Variants in ANAPC4 observed in about 807,000 individuals in gnomAD.
The protein encoded by ANAPC4 is anaphase-promoting complex subunit 4.
Under a neutral mutation model 119.8 loss-of-function variants are expected in ANAPC4, and 63 were observed. The observed-to-expected ratio is 0.53, with a 90% CI of 0.43 to 0.65. The LOEUF (loss-of-function observed/expected upper bound fraction) is 0.65, where lower values mean the gene tolerates loss of function less well. ANAPC4 is among the 30% of genes least tolerant of loss of function. The probability of loss-of-function intolerance (pLI) is 0.00; values close to 1 mark genes in which losing one functional copy is unlikely to be tolerated. For synonymous variants in ANAPC4, 283 were observed against 318.6 expected (o/e 0.89, Z 1.19); for missense variants, 716 against 945.1 (o/e 0.76, Z 3.18).
chr4:25,382,126 C>G (rs79738421), intron 3 of ANAPC4, among the ~76,000 whole-genome samples: 100,976 of 151,520 alleles, frequency 0.67, 33,881 homozygotes, highest in Admixed American at 0.7. Context: ...TTTTTTTCCC[C>G]CCCCTCACTT....
intron 21 of ANAPC4, among the ~76,000 whole-genome samples, chr4:25,411,436 A>G (rs1490508690): frequency 3.9e-5 from 6 of 152,254 alleles, no homozygotes; most frequent in Admixed American, 3.9e-4. Flanking sequence ...ATTGAGTTCC[A>G]TAATGAATTC....
rs542616693 is a variant in ANAPC4 at position 25,406,847 on chromosome 4, A to G, written c.1336A>G (p.Thr446Ala). 1.6e-5 allele frequency: 26 copies of G among 1,604,416 alleles called. No homozygotes were observed. The South Asian group carries it at 2.8e-4, about 17-fold the overall frequency. Residue 446 changes from threonine to alanine, a missense_variant, in exon 19 of 29, where the codon ACA becomes GCA. Around this residue, in one of 3 missense-constraint regions of ANAPC4, gnomAD observed 504 missense variants for 615.8 expected, o/e 0.82. Transcript: ENST00000315368. ...TTGATAGATGACTCAGAAAGATATC[A>G]CATTTGTTGCTGAATTTCTTACTGA... Reference protein sequence around the residue: ...ELNKMTQKDITFVAEFLTEHF... With the variant: ...ELNKMTQKDIAFVAEFLTEHF...
intron 16 of ANAPC4, 22 bp from the exon 17 acceptor site, chr4:25,402,949 T>C (rs780589421): frequency 7.0e-7 from 1 of 1,438,802 alleles, no homozygotes; most frequent in Non-Finnish European, 9.6e-7. Flanking sequence ...TTATTTCTGA[T>C]TTTTTGTTTT....
chr4:25,402,511 G>A (rs564733960), intron 16 of ANAPC4, among the ~76,000 whole-genome samples: 1 of 152,222 alleles, frequency 6.6e-6, no homozygotes, highest in South Asian at 2.1e-4. Flanking sequence ...AAAAATAATG[G>A]TCCATTGATA....
chr4:25,407,289 T>C lies in ANAPC4; in HGVS notation c.1431+36T>C, dbSNP rs1723306813. On this transcript the variant is annotated intron_variant, in intron 20 of 28. Coordinates refer to ENST00000315368, the MANE Select transcript of ANAPC4 (RefSeq NM_013367.3). Reference sequence around the variant, plus strand: ...TGAACTCATTTTAAAACCTTAGCAGTGTTCATCTTTGTTATCCAAAGTCTC... The same window carrying C: ...TGAACTCATTTTAAAACCTTAGCAGCGTTCATCTTTGTTATCCAAAGTCTC... 2.0e-6 allele frequency: 3 copies of C among 1,480,696 alleles called. No homozygotes were observed. In the Admixed American group the frequency reaches 6.7e-5, roughly 33 times the overall value. 91.7% of individuals were successfully genotyped at this position (1,480,696 alleles called of 1,614,324 possible).
Position 25,414,359 on chromosome 4 carries a change from T to C in ANAPC4, c.1659T>C (p.Cys553=). 8 of 1,601,544 alleles carry C rather than the reference T, an allele frequency of 5.0e-6. No homozygotes were observed. The highest frequency in any genetic ancestry group is 6.0e-6 in the Non-Finnish European group (7 of 1,171,604). ...VIGKSMNQAI[C]IPLYRDTRSE... is the part of the protein sequence containing the mutation. The stretch of plus-strand genomic sequence containing the variant: ...GAAAATCGATGAATCAAGCAATCTG[T>C]ATTCCATTGTATAGAGATACCAGAA... Residue 553 remains cysteine, a synonymous_variant, in exon 23 of 29, where the codon TGT becomes TGC. Transcript: ENST00000315368.
In ANAPC4 at chr4:25,405,052, A is replaced by C. The variant is rs1018384948; in HGVS notation, c.1271-521A>C. On this transcript the variant is annotated intron_variant, in intron 17 of 28. Transcript: ENST00000315368. The surrounding 1 kb of genome is among the most constrained non-coding windows in gnomAD (Gnocchi z 4.6). Reference sequence around the variant, plus strand: ...TTTGTCTTGACTTAGGTGGAACGTAATACAAAACACATAGTACTGATGAGG... The same window carrying C: ...TTTGTCTTGACTTAGGTGGAACGTACTACAAAACACATAGTACTGATGAGG... Among the ~76,000 whole-genome samples, 2 of 151,798 alleles carry C rather than the reference A, an allele frequency of 1.3e-5. No individual in the cohort carries two copies. Among genetic ancestry groups the C allele is most frequent in the Admixed American group, 1.3e-4 (2 of 15,186 alleles).
At chr4:25,383,489 G>C in intron 4 of ANAPC4, 96 bp downstream of exon 4, 1 of 1,173,286 alleles carries the variant, frequency 8.5e-7, no homozygotes, top group East Asian at 2.8e-5. Flanking sequence ...GTGTATGTGC[G>C]TTGTATTTAA....
At position 25,414,221 on chromosome 4, in the gene ANAPC4, G is replaced by A. The variant is rs566797273; in HGVS notation, c.1624-103G>A. The A allele has an allele frequency of 1.3e-5, 10 of 793,742 alleles. No homozygotes were observed. In the South Asian group the frequency reaches 2.5e-4, roughly 20 times the overall value. 49.2% of individuals were successfully genotyped at this position (793,742 alleles called of 1,614,324 possible). A position where few individuals can be genotyped will look rare whatever the true frequency, so the allele number is the denominator to read the frequency against. ...ATGTACAAGGTTTGGTGATGTAGGC[G>A]ATTTTTTTACCACATTCGAACAGTG... On this transcript the variant is annotated intron_variant, in intron 22 of 28. Coordinates refer to ENST00000315368, the MANE Select transcript of ANAPC4 (RefSeq NM_013367.3).
chr4:25,396,933 A>G, intron 16 of ANAPC4, 34 bp downstream of exon 16: 1 of 1,573,054 alleles, frequency 6.4e-7, no homozygotes, highest in South Asian at 1.2e-5. Flanking sequence ...TCACTGACCT[A>G]AGAATATGTC....
Sources: allele counts gnomAD v4.1 joint callset (sites outside exome capture counted in the v4.1 genomes callset), GRCh38; gene constraint gnomAD v4.1.1; regional missense constraint gnomAD v4.1.1; non-coding constraint Gnocchi (gnomAD v3.1); transcripts MANE v1.5; gene names NCBI Gene and HGNC (gene_info 2026-07-23, HGNC 2026-07-21).